CNTN3: variants seen among roughly 807,000 people sequenced by gnomAD.
CNTN3 encodes contactin-3.
In CNTN3, 60 loss-of-function variants were observed where a neutral mutation model predicts 119.1. The observed-to-expected ratio is 0.50, with a 90% CI of 0.41 to 0.62. The LOEUF (loss-of-function observed/expected upper bound fraction) is 0.62. Ranked by LOEUF, CNTN3 falls within the 20% of genes least tolerant of loss-of-function variation. The pLI, the probability that CNTN3 is intolerant of heterozygous loss-of-function variation, is 0.00. For synonymous variants in CNTN3, 450 were observed against 438.7 expected (o/e 1.03, Z -0.32); for missense variants, 1,101 against 1,242.4 (o/e 0.89, Z 1.71).
chr3:74,551,350 C>T (rs1322858335), intron 1 of CNTN3, among the ~76,000 whole-genome samples: 1 of 152,072 alleles, frequency 6.6e-6, no homozygotes, highest in Non-Finnish European at 1.5e-5. Flanking sequence ...GTTAGGTTTC[C>T]AGCAAAACTG....
intron 11 of CNTN3, among the ~76,000 whole-genome samples, chr3:74,342,900 T>C (rs926192244): frequency 6.6e-6 from 1 of 152,130 alleles, no homozygotes; most frequent in Admixed American, 6.6e-5. Flanking sequence ...AAGGAGTCTT[T>C]GGAAAAATTA....
chr3:74,301,440 C>T lies in CNTN3; in HGVS notation c.2053G>A (p.Glu685Lys), dbSNP rs745615205. The T allele has an allele frequency of 2.5e-6, 4 of 1,614,088 alleles. No individual in the cohort carries two copies. The South Asian group carries it at 4.4e-5, about 18-fold the overall frequency. Residue 685 changes from glutamate to lysine, a missense_variant, in exon 16 of 23, where the codon GAA becomes AAA. Glu to Lys is a moderately conservative substitution (Grantham distance 56, BLOSUM62 1). Transcript: ENST00000263665. ...VVASNKIGGG[E>K]PSLPSEKVRT... is the part of the protein sequence containing the mutation. ...ACTTTTTCTGAGGGTAAACTTGGTT[C>T]TCCACCTCCAATTTTGTTACTGGCT...
chr3:74,508,402 A>G (rs1278229689), intron 2 of CNTN3, among the ~76,000 whole-genome samples: 3 of 152,142 alleles, frequency 2.0e-5, no homozygotes, highest in South Asian at 4.1e-4. Context: ...GACTATTACA[A>G]CAACTTTCCC....
intron 20 of CNTN3, among the ~76,000 whole-genome samples, chr3:74,272,438 A>G (rs1483193136): frequency 6.6e-6 from 1 of 152,184 alleles, no homozygotes; most frequent in Non-Finnish European, 1.5e-5. Context: ...CTGTTTGAAT[A>G]CTGGTAAAGT....
chr3:74,273,914 A>G (rs949667910), intron 20 of CNTN3, among the ~76,000 whole-genome samples: 1 of 151,888 alleles, frequency 6.6e-6, no homozygotes, highest in Non-Finnish European at 1.5e-5. Context: ...GCCTGGGGAA[A>G]CTTCTCAGCC....
chr3:74,578,634 T>A (rs1230065214), intron 1 of CNTN3, among the ~76,000 whole-genome samples: 2 of 151,920 alleles, frequency 1.3e-5, no homozygotes, highest in Non-Finnish European at 2.9e-5. Flanking sequence ...ATATAAAGGG[T>A]CTCATAACTT....
chr3:74,306,866 C>G (rs1254961112), intron 13 of CNTN3, among the ~76,000 whole-genome samples: 2 of 151,754 alleles, frequency 1.3e-5, no homozygotes, highest in African/African-American at 4.8e-5. Flanking sequence ...ATGCTGAAGG[C>G]AAGAAAAAAG....
chr3:74,537,259 G>C (rs1490848484), intron 1 of CNTN3, among the ~76,000 whole-genome samples: 5 of 152,016 alleles, frequency 3.3e-5, no homozygotes, highest in Non-Finnish European at 7.4e-5. Context: ...TGGTGCCCAG[G>C]CCATAGCAGA....
intron 13 of CNTN3, among the ~76,000 whole-genome samples, chr3:74,313,243 G>A (rs1445901882): frequency 1.3e-5 from 2 of 151,750 alleles, no homozygotes; most frequent in Non-Finnish European, 2.9e-5. Flanking sequence ...AAGGGAGAAA[G>A]GGAAAAAAGC....
intron 20 of CNTN3, among the ~76,000 whole-genome samples, chr3:74,268,531 G>A (rs1396034264): frequency 6.6e-6 from 1 of 152,100 alleles, no homozygotes; most frequent in African/African-American, 2.4e-5. Flanking sequence ...GACACCAAAC[G>A]AGATTGTATT....
At chr3:74,582,674 A>C (rs1010576005) in intron 1 of CNTN3, among the ~76,000 whole-genome samples, 2 of 152,158 alleles carry the variant, frequency 1.3e-5, no homozygotes, top group Non-Finnish European at 2.9e-5. Flanking sequence ...AATAAAAGAG[A>C]CTGGCAAATG....
At chr3:74,494,642 G>T (rs528941982) in intron 3 of CNTN3, among the ~76,000 whole-genome samples, 2 of 151,968 alleles carry the variant, frequency 1.3e-5, no homozygotes, top group Non-Finnish European at 2.9e-5. Context: ...CTGACCCTGT[G>T]ATCCTTCATG....
chr3:74,563,724 T>C (rs1704187219), intron 1 of CNTN3, among the ~76,000 whole-genome samples: 1 of 152,100 alleles, frequency 6.6e-6, no homozygotes, highest in Non-Finnish European at 1.5e-5. Context: ...CTGACAGAAT[T>C]CATTTTAGTG....
intron 2 of CNTN3, among the ~76,000 whole-genome samples, 181 bp from the exon 3 acceptor site, chr3:74,499,966 T>C (rs1451505670): frequency 6.6e-6 from 1 of 152,078 alleles, no homozygotes; most frequent in African/African-American, 2.4e-5. Flanking sequence ...CTCAACAGCA[T>C]AGTACCACCT....
At chr3:74,464,380 T>C (rs1328931164) in intron 4 of CNTN3, among the ~76,000 whole-genome samples, 2 of 152,300 alleles carry the variant, frequency 1.3e-5, no homozygotes, top group East Asian at 1.9e-4. Context: ...AGCTAATATA[T>C]TCTGATTTCT....
intron 1 of CNTN3, among the ~76,000 whole-genome samples, chr3:74,554,257 G>A (rs371933078): frequency 2.0e-5 from 3 of 152,064 alleles, no homozygotes; most frequent in Non-Finnish European, 4.4e-5. Flanking sequence ...TGAGGCCTCC[G>A]TTCTGTTCCA....
At chr3:74,594,265 C>CTTTTTTTTTTTT (rs1178602846) in intron 1 of CNTN3, among the ~76,000 whole-genome samples, 3 of 108,216 alleles carry the variant, frequency 2.8e-5, no homozygotes, top group African/African-American at 1.2e-4. Context: ...AACTGTATTT[C>CTTTTTTTTTTTT]TTTTTTTCTT....
intron 13 of CNTN3, among the ~76,000 whole-genome samples, chr3:74,320,002 A>C (rs891611890): frequency 7.2e-5 from 11 of 152,340 alleles, no homozygotes; most frequent in African/African-American, 2.2e-4. Context: ...GGCGATCATT[A>C]AAAAGTCAGG....
chr3:74,523,058 G>T (rs1355264270), intron 1 of CNTN3, among the ~76,000 whole-genome samples: 5 of 151,624 alleles, frequency 3.3e-5, no homozygotes, highest in African/African-American at 1.2e-4. Context: ...TCCCTGCTTG[G>T]ACCAAAGGGT....
Sources: gnomAD v4.1 joint callset for allele counts (sites outside exome capture counted in the v4.1 genomes callset) on GRCh38, gnomAD v4.1.1 for gene constraint, MANE v1.5 for transcripts, NCBI Gene and HGNC (gene_info 2026-07-23, HGNC 2026-07-21) for gene names.